The following TNFRSF1A variants were observed in gnomAD, a reference collection of about 807,000 sequenced individuals.
TNFRSF1A encodes the protein tumor necrosis factor receptor superfamily member 1A.
A neutral mutation model predicts 41.6 loss-of-function variants in TNFRSF1A; 9 were observed. The observed-to-expected ratio is 0.22, with a 90% CI of 0.13 to 0.38. The LOEUF (loss-of-function observed/expected upper bound fraction) is 0.38, where lower values mean the gene tolerates loss of function less well. Among genes scored for constraint, TNFRSF1A ranks in the 10% least tolerant of loss-of-function variants. The pLI is 1.00. For missense variants in TNFRSF1A, 463 were observed against 591.5 expected, an observed-to-expected ratio of 0.78 and a Z score of 2.25; for synonymous variants, 254 against 248.6, an observed-to-expected ratio of 1.02 and a Z score of -0.21.
At chr12:6,336,580 C>T (rs1162465274) in intron 1 of TNFRSF1A, among the ~76,000 whole-genome samples, 1 of 152,164 alleles carries the variant, frequency 6.6e-6, no homozygotes, top group African/African-American at 2.4e-5. Flanking sequence ...CCCACTTGGC[C>T]CACATGTTCC....
chr12:6,339,523 G>A (rs1348542927), intron 1 of TNFRSF1A, among the ~76,000 whole-genome samples: 3 of 152,160 alleles, frequency 2.0e-5, no homozygotes, highest in Non-Finnish European at 2.9e-5. Flanking sequence ...CTGAAGCAGC[G>A]TGGGGAAGCT....
chr12:6,330,375 A>T (rs1455643081), intron 7 of TNFRSF1A, 80 bp from the exon 8 acceptor site: 2 of 1,367,684 alleles, frequency 1.5e-6, no homozygotes, highest in Admixed American at 3.4e-5. Context: ...GGCAGTGGGG[A>T]CTTGTGGTGA....
chr12:6,334,161 A>G lies in TNFRSF1A; in HGVS notation c.123T>C (p.Asp41=), dbSNP rs104895271. 6.1e-5 allele frequency: 98 copies of G among 1,614,016 alleles called. 1 individual carries two copies. Among genetic ancestry groups the G allele is most frequent in the Non-Finnish European group, 7.2e-5 (85 of 1,180,016 alleles). ...VPHLGDREKR[D]SVCPQGKYIH... ...TATATTTTCCTTGGGGACACACACT[A>G]TCTCTCTTCTCCCTGTCCCCTAGGT... The change falls in exon 2 of 10, where the codon GAT becomes GAC. Residue 41 remains aspartate, a synonymous_variant. Transcript: ENST00000162749. The surrounding 1 kb of genome is among the most constrained non-coding windows in gnomAD (Gnocchi z 5.1).
intron 1 of TNFRSF1A, among the ~76,000 whole-genome samples, chr12:6,340,083 C>T (rs1948175192): frequency 6.6e-6 from 1 of 152,094 alleles, no homozygotes; most frequent in Admixed American, 6.5e-5. Context: ...AGGTAGCCAC[C>T]CAGTAATTAC....
In TNFRSF1A at chr12:6,341,008, GC is replaced by G. The variant is rs1948187592; in HGVS notation, c.39+767del. On this transcript the variant is annotated intron_variant, in intron 1 of 9. Coordinates refer to ENST00000162749, the MANE Select transcript of TNFRSF1A (RefSeq NM_001065.4). This position sits in a 1 kb window ranked among gnomAD's most constrained non-coding sequence, Gnocchi z 4.6. ...GCGGGGAGGGGAAGCTGGAGGACAG[GC>G]CCAGGGACACTGACCAGGTGGGGGT... Among the ~76,000 whole-genome samples the G allele has an allele frequency of 6.6e-6, 1 of 152,148 alleles. No homozygotes were observed. The highest frequency in any genetic ancestry group is 1.5e-5 in the Non-Finnish European group (1 of 68,022).
Position 6,333,590 on chromosome 12 carries a change from AGTGT to A in TNFRSF1A, c.323-78_323-75del. 6.2e-7 allele frequency: 1 copy of A among 1,602,730 alleles called. No homozygotes were observed. Among genetic ancestry groups the A allele is most frequent in the Non-Finnish European group, 8.5e-7 (1 of 1,171,918 alleles). ...GCATCCCCTTCCTGACATACCCCTA[AGTGT>A]GTGTCTCTGTAATACACACTCACAT... is the stretch of plus-strand genomic sequence containing the variant. On this transcript the variant is annotated intron_variant, in intron 3 of 9. Coordinates refer to ENST00000162749, the MANE Select transcript of TNFRSF1A (RefSeq NM_001065.4). The surrounding 1 kb of genome is among the most constrained non-coding windows in gnomAD (Gnocchi z 6.3).
intron 5 of TNFRSF1A, 86 bp downstream of exon 5, chr12:6,332,983 T>C: frequency 8.0e-7 from 1 of 1,245,194 alleles, no homozygotes; most frequent in Non-Finnish European, 1.2e-6. Context: ...CATCCTGGCA[T>C]CTGTTGCCCA....
intron 5 of TNFRSF1A, among the ~76,000 whole-genome samples, chr12:6,332,457 A>G (rs11525582): frequency 0.28 from 36,540 of 130,626 alleles, 6,502 homozygotes; most frequent in African/African-American, 0.44. Flanking sequence ...AAAAAAAAAC[A>G]CCAAAAGAAA....
chr12:6,332,714 CAG>C (rs1298832300), intron 5 of TNFRSF1A, among the ~76,000 whole-genome samples: 1 of 152,162 alleles, frequency 6.6e-6, no homozygotes, highest in African/African-American at 2.4e-5. Context: ...CAGACGCAAA[CAG>C]AGCTGCCAAT....
intron 1 of TNFRSF1A, among the ~76,000 whole-genome samples, chr12:6,336,748 C>T (rs1329090284): frequency 6.6e-6 from 1 of 152,236 alleles, no homozygotes; most frequent in African/African-American, 2.4e-5. Flanking sequence ...GCTCCTCCTC[C>T]CAGTTCAACA....
Position 6,329,372 on chromosome 12 carries a change from G to A in TNFRSF1A, c.1308C>T (p.Asp436=). 6.6e-7 allele frequency: 1 copy of A among 1,509,896 alleles called. No homozygotes were observed. The allele number at this position is 1,509,896 out of a possible 1,614,324, so 93.5% of individuals were successfully genotyped here. The change falls in exon 10 of 10, where the codon GAC becomes GAT. Residue 436 remains aspartate (D), a synonymous_variant. Coordinates refer to ENST00000162749, the MANE Select transcript of TNFRSF1A (RefSeq NM_001065.4). ...CGGGGCCGCAAAGCGCCTCCTCGAT[G>A]TCCTCCAGGCAGCCCAGCAGGTCCA... The part of the protein sequence containing the change: ...RDMDLLGCLE[D]IEEALCGPAA...
At chr12:6,340,230 C>T (rs1379877367) in intron 1 of TNFRSF1A, among the ~76,000 whole-genome samples, 1 of 152,210 alleles carries the variant, frequency 6.6e-6, no homozygotes, top group African/African-American at 2.4e-5. Context: ...GTGTCTAGCC[C>T]AGAGCGCACA....
At chr12:6,335,524 G>A (rs1159845427) in intron 1 of TNFRSF1A, among the ~76,000 whole-genome samples, 3 of 152,312 alleles carry the variant, frequency 2.0e-5, no homozygotes, top group East Asian at 1.9e-4. Context: ...TCAGTGCCAG[G>A]AAAGCAAAGC....
At position 6,333,910 on chromosome 12, in the gene TNFRSF1A, G is replaced by T; in HGVS notation, c.194-45C>A. ...GTTAGGCTGCGGGTGAGAACACAAG[G>T]AAGGAGCCCCATGCTAGGGACAACA... On this transcript the variant is annotated intron_variant, in intron 2 of 9. Coordinates refer to ENST00000162749, the MANE Select transcript of TNFRSF1A (RefSeq NM_001065.4). The surrounding 1 kb of genome is among the most constrained non-coding windows in gnomAD (Gnocchi z 6.3). The T allele has an allele frequency of 6.2e-7, 1 of 1,602,184 alleles. No individual in the cohort carries two copies.
At chr12:6,336,135 G>T (rs552280319) in intron 1 of TNFRSF1A, among the ~76,000 whole-genome samples, 2 of 152,304 alleles carry the variant, frequency 1.3e-5, no homozygotes, top group African/African-American at 4.8e-5. Flanking sequence ...GGGGCTTGAG[G>T]CAGAGTCATG....
intron 1 of TNFRSF1A, among the ~76,000 whole-genome samples, chr12:6,340,547 G>A (rs1169523396): frequency 6.6e-6 from 1 of 152,176 alleles, no homozygotes; most frequent in African/African-American, 2.4e-5. Context: ...AGAAGAGTGA[G>A]ACCCTGACCA....
rs200325098 is a variant in TNFRSF1A, at chr12:6,329,917, G to A, written c.918C>T (p.Asn306=). The change falls in exon 9 of 10, where the codon AAC becomes AAT. Residue 306 remains asparagine (N), a synonymous_variant. Coordinates refer to ENST00000162749, the MANE Select transcript of TNFRSF1A (RefSeq NM_001065.4). ...SSTYTPGDCP[N]FAAPRREVAP... ...CCACCTCTCTGCGGGGAGCCGCAAA[G>A]TTGGGACAGTCACCGGGGGTATAGG... 1 of 1,573,120 alleles carries A rather than the reference G, an allele frequency of 6.4e-7. No individual in the cohort carries two copies. The highest frequency in any genetic ancestry group is 1.1e-5 in the South Asian group (1 of 87,342).
Position 6,341,465 on chromosome 12 carries a change from T to C in TNFRSF1A, c.39+311A>G, listed in dbSNP as rs1948193922. Among the ~76,000 whole-genome samples the C allele has an allele frequency of 1.3e-5, 2 of 152,230 alleles. No homozygotes were observed. Among genetic ancestry groups the C allele is most frequent in the African/African-American group, 4.8e-5 (2 of 41,466 alleles). On this transcript the variant is annotated intron_variant, in intron 1 of 9. Coordinates refer to ENST00000162749, the MANE Select transcript of TNFRSF1A (RefSeq NM_001065.4). This position sits in a 1 kb window ranked among gnomAD's most constrained non-coding sequence, Gnocchi z 4.6. ...TTTCCCCGCCAAATCTGCCCCACCC[T>C]GGGCCTATCTCCTGCCCACATTCCC...
chr12:6,329,762 C>G lies in TNFRSF1A; in HGVS notation c.1057+16G>C. 6.3e-7 allele frequency: 1 copy of G among 1,593,870 alleles called. No homozygotes were observed. On this transcript the variant is annotated intron_variant, in intron 9 of 9. Coordinates refer to ENST00000162749, the MANE Select transcript of TNFRSF1A (RefSeq NM_001065.4). ...CTCCCCCAGCCTCCTCGTCTCCAGC[C>G]GCGGGAGAAACTCACTGTCTAGGCT...
Sources: allele counts gnomAD v4.1 joint callset (sites outside exome capture counted in the v4.1 genomes callset), GRCh38; gene constraint gnomAD v4.1.1; non-coding constraint Gnocchi (gnomAD v3.1); transcripts MANE v1.5; gene names NCBI Gene and HGNC (gene_info 2026-07-23, HGNC 2026-07-21).